Variants in MDM2 observed in about 807,000 individuals in gnomAD.
MDM2 encodes the protein MDM2 proto-oncogene, also known as E3 ubiquitin-protein ligase Mdm2.
MDM2 carries 11 observed loss-of-function variants against 64.3 expected under a neutral mutation model. That is an observed-to-expected ratio of 0.17 (90% confidence interval 0.11 to 0.28). The LOEUF (loss-of-function observed/expected upper bound fraction) is 0.28. Among genes scored for constraint, MDM2 ranks in the 10% least tolerant of loss-of-function variants. MDM2 has a pLI of 1.00. For synonymous variants in MDM2, 194 were observed against 192.9 expected, an observed-to-expected ratio of 1.01 and a Z score of -0.05; for missense variants, 388 against 577.1, an observed-to-expected ratio of 0.67 and a Z score of 3.36.
Position 68,820,325 on chromosome 12 carries a change from G to A in MDM2, c.309G>A (p.Arg103=), listed in dbSNP as rs766553126. 72 of 1,587,952 alleles carry A rather than the reference G, an allele frequency of 4.5e-5. No individual in the cohort carries two copies. Among genetic ancestry groups the A allele is most frequent in the Non-Finnish European group, 5.9e-5 (69 of 1,168,338 alleles). The change falls in exon 5 of 11, where the codon AGG becomes AGA. Residue 103 remains arginine (R), a splice_region_variant and synonymous_variant. Transcript: ENST00000258149. ...GVPSFSVKEH[R]KIYTMIYRNL... ...TATTTTTTTTTTTTCTGTCTACAAG[G>A]AAAATATATACCATGATCTACAGGA...
intron 8 of MDM2, among the ~76,000 whole-genome samples, chr12:68,829,851 A>G (rs1565741932): frequency 1.3e-5 from 2 of 152,328 alleles, no homozygotes; most frequent in East Asian, 3.9e-4. Context: ...ACAGACTTCC[A>G]AAATATTAGT....
Position 68,839,324 on chromosome 12 carries a change from A to C in MDM2, c.969A>C (p.Ser323=). 3.7e-6 allele frequency: 6 copies of C among 1,613,862 alleles called. No individual in the cohort carries two copies. The highest frequency in any genetic ancestry group is 5.1e-6 in the Non-Finnish European group (6 of 1,179,966). Residue 323 remains serine, a synonymous_variant, in exon 11 of 11, where the codon TCA becomes TCC. Coordinates refer to ENST00000258149, the MANE Select transcript of MDM2 (RefSeq NM_002392.6). ...SCNEMNPPLP[S]HCNRCWALRE... is the part of the protein sequence containing the mutation. ...ATGAAATGAATCCCCCCCTTCCATC[A>C]CATTGCAACAGATGTTGGGCCCTTC...
chr12:68,847,212 A>ATATATATATATATATATATAT (rs1565756816), downstream of MDM2: 4 of 136,932 alleles, frequency 2.9e-5, no homozygotes, highest in East Asian at 2.0e-4. Flanking sequence ...ATATATATAT[A>ATATATATATATATATATATAT]CTTTTTTTAG....
intron 5 of MDM2, among the ~76,000 whole-genome samples, chr12:68,823,049 G>C (rs1881998854): frequency 6.6e-6 from 1 of 151,994 alleles, no homozygotes; most frequent in Non-Finnish European, 1.5e-5. Flanking sequence ...CCAGCCTAGG[G>C]CTTCCTTTTT....
In MDM2 at chr12:68,840,421, G is replaced by T; in HGVS notation, c.*572G>T. 5.7e-6 allele frequency: 1 copy of T among 176,528 alleles called. No homozygotes were observed. The highest frequency in any genetic ancestry group is 1.2e-5 in the Non-Finnish European group (1 of 82,238). The allele number at this position is 176,528 out of a possible 1,614,324, so 10.9% of individuals were successfully genotyped here. A position where few individuals can be genotyped will look rare whatever the true frequency, so the allele number is the denominator to read the frequency against. On this transcript the variant is annotated 3_prime_UTR_variant, in exon 11 of 11. Coordinates refer to ENST00000258149, the MANE Select transcript of MDM2 (RefSeq NM_002392.6). ...GGCCTCCCAAAGTGCTGGGATTACA[G>T]GCATGAGCCACCGCGTCCGGCCTAA... is the stretch of plus-strand genomic sequence containing the variant.
rs567592541 is a variant in MDM2 at position 68,812,833 on chromosome 12, A to T, written c.100-721A>T. ...CATAGTAGCCATGCTTTTTACTTGGATAGAACCATTTGTATGAAAAGCTTA... is the reference window on the plus strand; with the variant it reads ...CATAGTAGCCATGCTTTTTACTTGGTTAGAACCATTTGTATGAAAAGCTTA... On this transcript the variant is annotated intron_variant, in intron 2 of 10. Coordinates refer to ENST00000258149, the MANE Select transcript of MDM2 (RefSeq NM_002392.6). 2.0e-5 allele frequency among the ~76,000 whole-genome samples: 3 copies of T among 152,264 alleles called. No homozygotes were observed. In the East Asian group the frequency reaches 5.8e-4, roughly 29 times the overall value.
At chr12:68,809,775 C>T (rs1206105458) in intron 2 of MDM2, among the ~76,000 whole-genome samples, 2 of 152,068 alleles carry the variant, frequency 1.3e-5, no homozygotes, top group Non-Finnish European at 2.9e-5. Context: ...ATGTTATTGT[C>T]CTGTTTGTTG....
At chr12:68,837,768 G>A (rs1883425745) in intron 10 of MDM2, among the ~76,000 whole-genome samples, 1 of 151,974 alleles carries the variant, frequency 6.6e-6, no homozygotes, top group South Asian at 2.1e-4. Flanking sequence ...GAGTTCCTGA[G>A]GTATTATAGG....
chr12:68,832,537 GTC>G, intron 8 of MDM2, among the ~76,000 whole-genome samples: 1 of 152,106 alleles, frequency 6.6e-6, no homozygotes, highest in East Asian at 1.9e-4. Flanking sequence ...TTTTGAGACA[GTC>G]TCTCACTCCG....
chr12:68,813,743 ACATTTAATTTTGT>A, intron 3 of MDM2, 115 bp downstream of exon 3: 1 of 699,288 alleles, frequency 1.4e-6, no homozygotes, highest in Non-Finnish European at 2.5e-6. Flanking sequence ...TTAAGCAGCA[ACATTTAATTTTGT>A]GGTCGTTTGG....
At chr12:68,826,526 G>A (rs1312781091) in intron 7 of MDM2, among the ~76,000 whole-genome samples, 2 of 151,766 alleles carry the variant, frequency 1.3e-5, no homozygotes, top group African/African-American at 4.8e-5. Flanking sequence ...GCAGGCGCCT[G>A]TAATCCCAGC....
Position 68,842,609 on chromosome 12 carries a change from G to A in MDM2, c.*2760G>A, listed in dbSNP as rs1485894937. 3 of 292,540 alleles carry A rather than the reference G, an allele frequency of 1.0e-5. No homozygotes were observed. The highest frequency in any genetic ancestry group is 4.8e-5 in the African/African-American group (2 of 42,018). 18.1% of individuals were successfully genotyped at this position (292,540 alleles called of 1,614,324 possible). ...ATGTTTGTAAATACAGAAGTGAAAT[G>A]TGGACATAAAATAGTTACGCTATTT... On this transcript the variant is annotated 3_prime_UTR_variant, in exon 11 of 11. Coordinates refer to ENST00000258149, the MANE Select transcript of MDM2 (RefSeq NM_002392.6).
chr12:68,833,308 TAAAA>T (rs1159225888), intron 8 of MDM2, among the ~76,000 whole-genome samples: 8,943 of 73,774 alleles, frequency 0.12, 1,649 homozygotes, highest in African/African-American at 0.31. Flanking sequence ...TATATAAATA[TAAAA>T]ATATAATTAT....
At chr12:68,824,280 TAGAC>T (rs761138850) in intron 5 of MDM2, 79 bp from the exon 6 acceptor site, 3 of 916,346 alleles carry the variant, frequency 3.3e-6, no homozygotes, top group Admixed American at 2.3e-5. Context: ...GGGTTTGTGT[TAGAC>T]TGATAGCATA....
rs3866887 is a variant in MDM2, at chr12:68,813,414, A to G, written c.100-140A>G. The G allele has an allele frequency of 5.8e-3, 3,477 of 603,316 alleles. 92 individuals carry two copies. The highest frequency in any genetic ancestry group is 0.056 in the African/African-American group (2,989 of 53,806). The allele number at this position is 603,316 out of a possible 1,614,324, so 37.4% of individuals were successfully genotyped here. ...ATCACAACTGATACTTGATGATTCC[A>G]TGATACTTGCATAATGATTAGATCC... On this transcript the variant is annotated intron_variant, in intron 2 of 10. Coordinates refer to ENST00000258149, the MANE Select transcript of MDM2 (RefSeq NM_002392.6).
At chr12:68,826,396 C>T (rs916184484) in intron 7 of MDM2, among the ~76,000 whole-genome samples, 27 of 151,972 alleles carry the variant, frequency 1.8e-4, no homozygotes, top group Non-Finnish European at 3.7e-4. Context: ...CACCTGTAAT[C>T]CCAGCACTTT....
chr12:68,821,252 T>G (rs564242663), intron 5 of MDM2, among the ~76,000 whole-genome samples: 1 of 152,146 alleles, frequency 6.6e-6, no homozygotes, highest in East Asian at 1.9e-4. Flanking sequence ...TTCAGCATGT[T>G]GGCCAGGCTG....
chr12:68,835,688 A>G (rs938614267), intron 8 of MDM2, 141 bp from the exon 9 acceptor site: 5 of 705,416 alleles, frequency 7.1e-6, no homozygotes, highest in Non-Finnish European at 1.1e-5. Context: ...TCCCTCGGGA[A>G]GTCCCGGATC....
intron 8 of MDM2, among the ~76,000 whole-genome samples, chr12:68,831,015 A>C (rs1227875595): frequency 6.6e-6 from 1 of 152,050 alleles, no homozygotes; most frequent in Admixed American, 6.6e-5. Flanking sequence ...TTTAATGTAT[A>C]GTTTTTGTTA....
Sources: gnomAD v4.1 joint callset for allele counts (sites outside exome capture counted in the v4.1 genomes callset) on GRCh38, gnomAD v4.1.1 for gene constraint, MANE v1.5 for transcripts, NCBI Gene and HGNC (gene_info 2026-07-23, HGNC 2026-07-21) for gene names.